MEIKIN: variants seen among roughly 807,000 people sequenced by gnomAD.
The protein encoded by MEIKIN is meiotic kinetochore factor.
At chr5:131,914,953 G>C (rs1751393762) in intron 7 of MEIKIN, among the ~76,000 whole-genome samples, 2 of 152,160 alleles carry the variant, frequency 1.3e-5, no homozygotes, top group Admixed American at 6.5e-5. Flanking sequence ...TAGAACTCTA[G>C]GAGATGTCCA....
chr5:131,848,516 G>C (rs1167898920), intron 11 of MEIKIN, among the ~76,000 whole-genome samples: 1 of 152,082 alleles, frequency 6.6e-6, no homozygotes, highest in Admixed American at 6.6e-5. Context: ...AACTAGTAGG[G>C]AGATTGAATC....
At chr5:131,875,460 G>T (rs1017097837) in intron 9 of MEIKIN, among the ~76,000 whole-genome samples, 39 of 151,910 alleles carry the variant, frequency 2.6e-4, no homozygotes, top group Non-Finnish European at 3.7e-4. Flanking sequence ...CCTCTTCAAG[G>T]AGAACTACAA....
intron 8 of MEIKIN, among the ~76,000 whole-genome samples, chr5:131,897,599 T>C (rs895302258): frequency 3.3e-5 from 5 of 152,162 alleles, no homozygotes; most frequent in Non-Finnish European, 5.9e-5. Context: ...TTCATTCCTT[T>C]TCCTCTAATC....
chr5:131,836,745 T>C (rs1289035893), intron 11 of MEIKIN, among the ~76,000 whole-genome samples: 1 of 152,042 alleles, frequency 6.6e-6, no homozygotes, highest in Non-Finnish European at 1.5e-5. Context: ...TTAATGTTTT[T>C]TTTTTTTCTT....
intron 7 of MEIKIN, 21 bp from the exon 8 acceptor site, chr5:131,911,900 T>C (rs1407340298): frequency 2.5e-6 from 1 of 397,258 alleles, no homozygotes; most frequent in African/African-American, 2.1e-5. Context: ...AACAAACTGT[T>C]TAGTGGTATT....
intron 8 of MEIKIN, among the ~76,000 whole-genome samples, chr5:131,909,935 T>C (rs1431552907): frequency 1.3e-5 from 2 of 152,248 alleles, no homozygotes; most frequent in Non-Finnish European, 2.9e-5. Context: ...CCGGTGAGGA[T>C]GTGGAGAAAA....
intron 11 of MEIKIN, among the ~76,000 whole-genome samples, chr5:131,829,381 A>G (rs1749674538): frequency 6.6e-6 from 1 of 152,218 alleles, no homozygotes; most frequent in African/African-American, 2.4e-5. Flanking sequence ...AAGCCATGGC[A>G]TGGGGAAAAC....
At chr5:131,872,091 C>T (rs1162178880) in intron 9 of MEIKIN, among the ~76,000 whole-genome samples, 1 of 151,818 alleles carries the variant, frequency 6.6e-6, no homozygotes, top group Non-Finnish European at 1.5e-5. Context: ...ATCAGAGCAC[C>T]TCTCCTCCTC....
chr5:131,861,919 G>C (rs1750291882), intron 9 of MEIKIN, among the ~76,000 whole-genome samples: 1 of 152,102 alleles, frequency 6.6e-6, no homozygotes, highest in Non-Finnish European at 1.5e-5. Flanking sequence ...TGCTGTTGTT[G>C]TTGTGTCCTT....
At chr5:131,836,438 G>A (rs952117827) in intron 11 of MEIKIN, among the ~76,000 whole-genome samples, 28 of 152,162 alleles carry the variant, frequency 1.8e-4, no homozygotes, top group African/African-American at 6.8e-4. Flanking sequence ...GGGTCGAATG[G>A]TAGTTCTGTT....
At chr5:131,810,328 T>C (rs553928825) in intron 12 of MEIKIN, among the ~76,000 whole-genome samples, 2 of 151,756 alleles carry the variant, frequency 1.3e-5, no homozygotes, top group South Asian at 2.1e-4. Context: ...CAAAATAGAA[T>C]AAAAAAAAAT....
At chr5:131,857,354 G>C (rs529227256) in intron 9 of MEIKIN, among the ~76,000 whole-genome samples, 1 of 152,086 alleles carries the variant, frequency 6.6e-6, no homozygotes, top group Non-Finnish European at 1.5e-5. Context: ...AAAATAGTTC[G>C]AAACACAGGT....
At chr5:131,900,736 C>T (rs971463130) in intron 8 of MEIKIN, among the ~76,000 whole-genome samples, 1 of 152,122 alleles carries the variant, frequency 6.6e-6, no homozygotes, top group Non-Finnish European at 1.5e-5. Flanking sequence ...AGCCTGGCAG[C>T]ACTTGCTTGA....
chr5:131,872,418 T>C (rs974569416), intron 9 of MEIKIN, among the ~76,000 whole-genome samples: 6 of 151,998 alleles, frequency 3.9e-5, no homozygotes, highest in Non-Finnish European at 5.9e-5. Context: ...ACGAAATGAA[T>C]GAAATGAAGT....
Position 131,895,566 on chromosome 5 carries a change from G to A in MEIKIN, c.703+16249C>T, listed in dbSNP as rs574699582. On this transcript the variant is annotated intron_variant, in intron 8 of 12. Transcript: ENST00000442687. ...TATTAATAATTGCCTCAATTTCAGC[G>A]CCTGTTATTGGTCTATTCAGAGAGT... Among the ~76,000 whole-genome samples the A allele has an allele frequency of 1.3e-4, 20 of 152,156 alleles. No individual in the cohort carries two copies. In the East Asian group the frequency reaches 1.5e-3, roughly 12 times the overall value.
intron 6 of MEIKIN, among the ~76,000 whole-genome samples, chr5:131,918,075 C>CA (rs1751444599): frequency 6.6e-6 from 1 of 152,110 alleles, no homozygotes; most frequent in South Asian, 2.1e-4. Flanking sequence ...GACTTCAGTT[C>CA]AAATTGTTGG....
chr5:131,845,170 TGAGGCAG>T (rs1749991610), intron 11 of MEIKIN, among the ~76,000 whole-genome samples: 1 of 148,850 alleles, frequency 6.7e-6, no homozygotes, highest in Admixed American at 6.8e-5. Context: ...CTCCAGACAC[TGAGGCAG>T]GAGAATGGCA....
chr5:131,892,467 A>G (rs562998010), intron 8 of MEIKIN, among the ~76,000 whole-genome samples: 3 of 152,062 alleles, frequency 2.0e-5, no homozygotes, highest in Non-Finnish European at 2.9e-5. Flanking sequence ...CATTCATTTC[A>G]TCTTCCATCA....
In MEIKIN at chr5:131,872,341, T is replaced by C. The variant is rs1030936528; in HGVS notation, c.774+6637A>G. Among the ~76,000 whole-genome samples, 60 of 152,114 alleles carry C rather than the reference T, an allele frequency of 3.9e-4. 1 individual carries two copies. The highest frequency in any genetic ancestry group is 1.2e-4 in the Non-Finnish European group (8 of 68,018). On this transcript the variant is annotated intron_variant, in intron 9 of 12. Coordinates refer to ENST00000442687, the MANE Select transcript of MEIKIN (RefSeq NM_001303622.2). ...GCTGAAAACCACGGCACGAGAACTA[T>C]GTGACGAATGCACAAGCCTCAGTAG... is the stretch of plus-strand genomic sequence containing the variant.
Sources: gnomAD v4.1 joint callset for allele counts (sites outside exome capture counted in the v4.1 genomes callset) on GRCh38, gnomAD v4.1.1 for gene constraint, MANE v1.5 for transcripts, NCBI Gene and HGNC (gene_info 2026-07-23, HGNC 2026-07-21) for gene names.